COL4A3: variants seen among roughly 807,000 people sequenced by gnomAD.
The protein encoded by COL4A3 is collagen alpha-3(IV) chain.
COL4A3 carries 135 observed loss-of-function variants against 217.4 expected under a neutral mutation model. The observed-to-expected ratio is 0.62, with a 90% confidence interval of 0.54 to 0.72. The LOEUF is 0.72. Among genes scored for constraint, COL4A3 ranks in the 30% least tolerant of loss-of-function variants. The probability of loss-of-function intolerance (pLI) is 0.00; values close to 1 mark genes in which losing one functional copy is unlikely to be tolerated. For missense variants in COL4A3, 1,868 were observed against 2,119.9 expected (o/e 0.88, Z 2.33); for synonymous variants, 690 against 736.3 (o/e 0.94, Z 1.02).
At chr2:227,244,854 A>G (rs775663375) in intron 4 of COL4A3, 97 bp from the exon 5 acceptor site, 2 of 1,288,916 alleles carry the variant, frequency 1.6e-6, no homozygotes, top group South Asian at 2.4e-5. Flanking sequence ...AGTGGAGGAA[A>G]AAGATTATCG....
chr2:227,271,010 A>C, intron 25 of COL4A3, 58 bp downstream of exon 25: 1 of 1,568,926 alleles, frequency 6.4e-7, no homozygotes, highest in Non-Finnish European at 8.8e-7. Flanking sequence ...GTTAAGAGAT[A>C]AAGTGATTTC....
chr2:227,170,622 G>A (rs1422052736), intron 1 of COL4A3, among the ~76,000 whole-genome samples: 1 of 151,798 alleles, frequency 6.6e-6, no homozygotes, highest in Non-Finnish European at 1.5e-5. Flanking sequence ...TAGGAATTAT[G>A]GGAGCTACAA....
intron 1 of COL4A3, among the ~76,000 whole-genome samples, chr2:227,210,234 T>G (rs2067259986): frequency 6.6e-6 from 1 of 152,204 alleles, no homozygotes; most frequent in Non-Finnish European, 1.5e-5. Context: ...TGCAAAGCTA[T>G]CCTACATTAT....
At chr2:227,302,929 A>T in intron 43 of COL4A3, 109 bp from the exon 44 acceptor site, 1 of 732,182 alleles carries the variant, frequency 1.4e-6, no homozygotes, top group East Asian at 2.6e-5. Context: ...ACTTCAGCTT[A>T]TTCTCACCCA....
At chr2:227,249,593 A>G (rs1422649320) in intron 9 of COL4A3, among the ~76,000 whole-genome samples, 1 of 152,074 alleles carries the variant, frequency 6.6e-6, no homozygotes, top group African/African-American at 2.4e-5. Context: ...TCCTGGGTAG[A>G]GATGGGATAT....
At chr2:227,311,593 G>C (rs1416558029) in intron 51 of COL4A3, among the ~76,000 whole-genome samples, 193 bp from the exon 52 acceptor site, 1 of 151,904 alleles carries the variant, frequency 6.6e-6, no homozygotes, top group Non-Finnish European at 1.5e-5. Context: ...TTGGCCGCTG[G>C]TCTGAAACTC....
At chr2:227,279,655 C>T (rs1379032482) in intron 28 of COL4A3, 138 bp from the exon 29 acceptor site, 4 of 576,276 alleles carry the variant, frequency 6.9e-6, no homozygotes, top group Non-Finnish European at 1.2e-5. Context: ...TAAAAAATTG[C>T]TAATTTATCA....
chr2:227,228,236 C>A (rs1191233101), intron 1 of COL4A3, among the ~76,000 whole-genome samples: 2 of 152,192 alleles, frequency 1.3e-5, no homozygotes, highest in African/African-American at 4.8e-5. Context: ...CGGGGGCATC[C>A]CGCAAAGCAG....
At chr2:227,189,286 C>A (rs960625202) in intron 1 of COL4A3, among the ~76,000 whole-genome samples, 2 of 152,012 alleles carry the variant, frequency 1.3e-5, no homozygotes, top group Non-Finnish European at 2.9e-5. Flanking sequence ...TGGAAAGAGA[C>A]CCTGGTTGTG....
At chr2:227,307,947 G>A (rs1248376490) in intron 48 of COL4A3, 28 bp downstream of exon 48, 1 of 1,595,968 alleles carries the variant, frequency 6.3e-7, no homozygotes, top group South Asian at 1.1e-5. Context: ...GTTGCCAGTT[G>A]TGCTGTTCCA....
intron 1 of COL4A3, among the ~76,000 whole-genome samples, chr2:227,226,275 G>T (rs936768186): frequency 9.9e-5 from 15 of 152,062 alleles, no homozygotes; most frequent in Admixed American, 8.5e-4. Context: ...GGATCTGCTG[G>T]GTTCTTCCAG....
chr2:227,239,197 A>AG (rs371329989), intron 2 of COL4A3, among the ~76,000 whole-genome samples: 7 of 152,028 alleles, frequency 4.6e-5, no homozygotes, highest in South Asian at 2.1e-4. Context: ...TACTTCGGGG[A>AG]GGGGGGGATA....
intron 1 of COL4A3, among the ~76,000 whole-genome samples, chr2:227,192,397 A>G (rs531298479): frequency 6.6e-6 from 1 of 152,272 alleles, no homozygotes; most frequent in Admixed American, 6.5e-5. Flanking sequence ...TGACTTGCTC[A>G]TTTCATTTTC....
intron 1 of COL4A3, among the ~76,000 whole-genome samples, chr2:227,232,974 A>G (rs576226947): frequency 6.6e-6 from 1 of 152,178 alleles, no homozygotes; most frequent in Non-Finnish European, 1.5e-5. Flanking sequence ...CTATAGTCAG[A>G]TTGTTCCACA....
rs918877481 is a variant in COL4A3 at position 227,273,207 on chromosome 2, T to C, written c.1927+90T>C. On this transcript the variant is annotated intron_variant, in intron 26 of 51. Transcript: ENST00000396578. ...GAAGCTTCTCCAAGACTAAGGAAAA[T>C]ATAGAAACTTGCTTCTAACGAATAG... The C allele has an allele frequency of 6.3e-5, 85 of 1,352,750 alleles. 1 individual carries two copies. In the South Asian group the frequency reaches 9.9e-4, roughly 16 times the overall value. 83.8% of individuals were successfully genotyped at this position (1,352,750 alleles called of 1,614,324 possible).
Position 227,295,023 on chromosome 2 carries a change from G to C in COL4A3, c.3478G>C (p.Asp1160His). The C allele has an allele frequency of 6.2e-7, 1 of 1,613,070 alleles. No individual in the cohort carries two copies. The part of the protein sequence containing the change: ...PMGIRGDQGR[D>H]GIPGPAGEKG... ...GGGTATAAGAGGTGACCAAGGACGT[G>C]ATGGAATTCCTGGTCCAGCCGGAGA... Residue 1160 changes from aspartate (D) to histidine (H), a missense_variant, in exon 40 of 52, where the codon GAT (aspartate) becomes CAT (histidine). Around this residue, in one of 2 missense-constraint regions of COL4A3, gnomAD observed 1,503 missense variants for 1,786.1 expected, o/e 0.84. Coordinates refer to ENST00000396578, the MANE Select transcript of COL4A3 (RefSeq NM_000091.5).
intron 43 of COL4A3, among the ~76,000 whole-genome samples, chr2:227,301,012 T>C (rs76225994): frequency 0.14 from 21,383 of 151,382 alleles, 1,496 homozygotes; most frequent in Non-Finnish European, 0.15. Flanking sequence ...TTGGGAGGAG[T>C]CTGGAGGGCT....
chr2:227,226,719 C>G (rs1211143536), intron 1 of COL4A3, among the ~76,000 whole-genome samples: 1 of 152,214 alleles, frequency 6.6e-6, no homozygotes, highest in East Asian at 1.9e-4. Flanking sequence ...ATCTACCTGC[C>G]TCGGCCTCCC....
chr2:227,172,300 A>G (rs767352910), intron 1 of COL4A3, among the ~76,000 whole-genome samples: 13 of 152,202 alleles, frequency 8.5e-5, no homozygotes, highest in Non-Finnish European at 1.5e-4. Context: ...GTGGCCTGAC[A>G]TTCCTGATGA....
Sources: allele counts gnomAD v4.1 joint callset (sites outside exome capture counted in the v4.1 genomes callset), GRCh38; gene constraint gnomAD v4.1.1; regional missense constraint gnomAD v4.1.1; transcripts MANE v1.5; gene names NCBI Gene and HGNC (gene_info 2026-07-23, HGNC 2026-07-21).